PAM: variants seen among roughly 807,000 people sequenced by gnomAD.
PAM encodes the protein peptidyl-glycine alpha-amidating monooxygenase.
PAM carries 72 observed loss-of-function variants against 122.1 expected under a neutral mutation model. That is an observed-to-expected ratio of 0.59 (90% CI 0.49 to 0.72). The LOEUF is 0.72. Ranked by LOEUF, PAM falls within the 30% of genes least tolerant of loss-of-function variation. PAM has a pLI of 0.00. For synonymous variants in PAM, 389 were observed against 404.4 expected (o/e 0.96, Z 0.46); for missense variants, 1,106 against 1,183.7 (o/e 0.93, Z 0.96).
At chr5:102,780,630 C>A (rs1284727533) in intron 1 of PAM, among the ~76,000 whole-genome samples, 1 of 152,136 alleles carries the variant, frequency 6.6e-6, no homozygotes, top group Non-Finnish European at 1.5e-5. Flanking sequence ...TTGCTGGCAG[C>A]TCTCCCCACA....
chr5:102,907,306 CT>C (rs1299677749), intron 4 of PAM, among the ~76,000 whole-genome samples: 4 of 151,452 alleles, frequency 2.6e-5, no homozygotes, highest in African/African-American at 9.7e-5. Context: ...TGAACTCATC[CT>C]TTTTTATGGC....
chr5:102,926,965 G>A (rs556704195), intron 7 of PAM, among the ~76,000 whole-genome samples: 7 of 151,936 alleles, frequency 4.6e-5, no homozygotes, highest in Non-Finnish European at 4.4e-5. Flanking sequence ...TTAGGAGTGC[G>A]GATCATTCCA....
chr5:102,915,503 A>G lies in PAM; in HGVS notation c.356+1482A>G, dbSNP rs575896790. On this transcript the variant is annotated intron_variant, in intron 5 of 25. Coordinates refer to ENST00000438793, the MANE Select transcript of PAM (RefSeq NM_001177306.2). Reference sequence around the variant, plus strand: ...CAAATCACAGTAAATACCCTTCAATATCAACATTCCCGTTTATACTCTTCA... The same window carrying G: ...CAAATCACAGTAAATACCCTTCAATGTCAACATTCCCGTTTATACTCTTCA... Among the ~76,000 whole-genome samples the G allele has an allele frequency of 7.9e-5, 12 of 152,240 alleles. No individual in the cohort carries two copies. In the South Asian group the frequency reaches 1.7e-3, roughly 21 times the overall value.
Position 102,914,004 on chromosome 5 carries a change from A to C in PAM, c.339A>C (p.Ser113=). The C allele has an allele frequency of 6.3e-7, 1 of 1,580,710 alleles. No homozygotes were observed. The highest frequency in any genetic ancestry group is 1.1e-5 in the South Asian group (1 of 90,436). ...HMLLFGCNMP[S]STGSYWFCDE... ...TACTTTTTGGATGCAATATGCCTTC[A>C]TCCACTGGAAGTTACTGGTAAGGAT... is the stretch of plus-strand genomic sequence containing the variant. The change falls in exon 5 of 26, where the codon TCA becomes TCC. Residue 113 remains serine (S), a synonymous_variant. Transcript: ENST00000438793.
intron 8 of PAM, among the ~76,000 whole-genome samples, chr5:102,947,097 C>T (rs1468266469): frequency 6.6e-6 from 1 of 152,168 alleles, no homozygotes; most frequent in Non-Finnish European, 1.5e-5. Context: ...AGGCTGTAGT[C>T]AGAATCTTGG....
chr5:103,001,615 T>C (rs1036431957), intron 16 of PAM, among the ~76,000 whole-genome samples: 1 of 152,292 alleles, frequency 6.6e-6, no homozygotes, highest in South Asian at 2.1e-4. Context: ...GGACTTATTG[T>C]TGTCTTTCAG....
intron 1 of PAM, among the ~76,000 whole-genome samples, chr5:102,845,546 T>C (rs894943057): frequency 3.3e-5 from 5 of 152,188 alleles, no homozygotes; most frequent in African/African-American, 9.6e-5. Flanking sequence ...TAGACTGTCA[T>C]AAAATCCGAT....
intron 1 of PAM, among the ~76,000 whole-genome samples, chr5:102,811,646 C>T (rs763587605): frequency 6.6e-6 from 1 of 152,156 alleles, no homozygotes; most frequent in Non-Finnish European, 1.5e-5. Flanking sequence ...TTATTCTACC[C>T]GCCATTGAAG....
At chr5:102,915,633 C>G (rs1355415641) in intron 5 of PAM, among the ~76,000 whole-genome samples, 1 of 152,138 alleles carries the variant, frequency 6.6e-6, no homozygotes, top group Non-Finnish European at 1.5e-5. Flanking sequence ...TGCTTTAAAA[C>G]AATTTCTTCT....
At chr5:103,024,930 T>G (rs1264839608) in intron 23 of PAM, among the ~76,000 whole-genome samples, 1 of 152,098 alleles carries the variant, frequency 6.6e-6, no homozygotes, top group African/African-American at 2.4e-5. Context: ...AATTTGAAGG[T>G]GAAAAACCAT....
At chr5:102,982,965 T>C (rs1770416534) in intron 15 of PAM, among the ~76,000 whole-genome samples, 1 of 151,896 alleles carries the variant, frequency 6.6e-6, no homozygotes, top group Admixed American at 6.6e-5. Flanking sequence ...ACAATACAAA[T>C]AATTCAGAAA....
rs973537396 is a variant in PAM at position 102,974,156 on chromosome 5, G to A, written c.1203G>A (p.Arg401=). The A allele has an allele frequency of 6.2e-7, 1 of 1,613,824 alleles. No individual in the cohort carries two copies. The highest frequency in any genetic ancestry group is 1.1e-5 in the South Asian group (1 of 91,062). Residue 401 remains arginine (R), a synonymous_variant, in exon 15 of 26, where the codon AGG becomes AGA. Transcript: ENST00000438793. ...TACTTTCCAAGCTGCTAGGAGAAAGGGAAGATGTTGTTCATGTGCACAAAT... is the reference window on the plus strand; with the variant it reads ...TACTTTCCAAGCTGCTAGGAGAAAGAGAAGATGTTGTTCATGTGCACAAAT... ...YSLLSKLLGE[R]EDVVHVHKYN...
At chr5:102,936,261 A>T (rs1240752035) in intron 7 of PAM, among the ~76,000 whole-genome samples, 1 of 152,106 alleles carries the variant, frequency 6.6e-6, no homozygotes, top group Non-Finnish European at 1.5e-5. Flanking sequence ...ACACCATGGA[A>T]ATTGACAAAT....
chr5:102,913,183 A>G (rs1338737310), intron 4 of PAM, among the ~76,000 whole-genome samples: 1 of 151,966 alleles, frequency 6.6e-6, no homozygotes, highest in Admixed American at 6.6e-5. Context: ...ACGCAAAAGG[A>G]TGAGCCAAAC....
intron 1 of PAM, among the ~76,000 whole-genome samples, chr5:102,824,527 T>C (rs1056089454): frequency 2.0e-5 from 3 of 152,310 alleles, no homozygotes; most frequent in Admixed American, 6.5e-5. Flanking sequence ...ACACTTACAC[T>C]ATATTTGATA....
chr5:102,979,613 T>C (rs1201268059), intron 15 of PAM, among the ~76,000 whole-genome samples: 1 of 152,100 alleles, frequency 6.6e-6, no homozygotes, highest in Non-Finnish European at 1.5e-5. Flanking sequence ...TGGGTTTGAA[T>C]TTTTTCCTCA....
chr5:102,872,559 T>TA (rs1302954912), intron 3 of PAM, among the ~76,000 whole-genome samples: 1 of 152,174 alleles, frequency 6.6e-6, no homozygotes, highest in East Asian at 1.9e-4. Context: ...GTATAATCTG[T>TA]AAAAAGAACC....
chr5:102,758,073 GTTTTT>G (rs1168917285), intron 1 of PAM, among the ~76,000 whole-genome samples: 21 of 24,806 alleles, frequency 8.5e-4, no homozygotes, highest in Non-Finnish European at 1.6e-3. Flanking sequence ...TTAGAATTTT[GTTTTT>G]TTTTTTTTTT....
chr5:102,956,462 A>G (rs2150162043), intron 12 of PAM, among the ~76,000 whole-genome samples: 1 of 152,256 alleles, frequency 6.6e-6, no homozygotes, highest in Non-Finnish European at 1.5e-5. Context: ...ATTTAAAATA[A>G]TAAAGTGTGA....
Sources: allele counts gnomAD v4.1 joint callset (sites outside exome capture counted in the v4.1 genomes callset), GRCh38; gene constraint gnomAD v4.1.1; transcripts MANE v1.5; gene names NCBI Gene and HGNC (gene_info 2026-07-23, HGNC 2026-07-21).